FAT2: variants seen among roughly 807,000 people sequenced by gnomAD.
FAT2 encodes FAT atypical cadherin 2.
Under a neutral mutation model 295.3 loss-of-function variants are expected in FAT2, and 150 were observed. The ratio of observed to expected loss-of-function variants is 0.51; its 90% CI spans 0.44 to 0.58. The LOEUF (loss-of-function observed/expected upper bound fraction) is 0.58, where lower values mean the gene tolerates loss of function less well. Among genes scored for constraint, FAT2 ranks in the 20% least tolerant of loss-of-function variants. The pLI is 0.00. For synonymous variants in FAT2, 2,026 were observed against 2,150.3 expected (o/e 0.94, Z 1.60); for missense variants, 4,868 against 5,442.7 (o/e 0.89, Z 3.32).
At chr5:151,526,079 G>A (rs1435480008) in intron 17 of FAT2, 114 bp from the exon 18 acceptor site, 1 of 995,048 alleles carries the variant, frequency 1.0e-6, no homozygotes, top group East Asian at 2.6e-5. Context: ...ACTGCTTGTA[G>A]ATGGTGCCTG....
At chr5:151,527,100 G>A in intron 17 of FAT2, 134 bp downstream of exon 17, 2 of 860,590 alleles carry the variant, frequency 2.3e-6, no homozygotes. Context: ...CCAGCAGTCT[G>A]TGTTGCCTTT....
chr5:151,544,156 A>G lies in FAT2; in HGVS notation c.6971T>C (p.Ile2324Thr). 1 of 1,614,168 alleles carries G rather than the reference A, an allele frequency of 6.2e-7. No homozygotes were observed. The highest frequency in any genetic ancestry group is 8.5e-7 in the Non-Finnish European group (1 of 1,180,020). The change falls in exon 10 of 24, where the codon ATC becomes ACC. Residue 2324 changes from isoleucine (I) to threonine (T), a missense_variant. This residue lies in a region of FAT2 where 3,297 missense variants were observed against 3,669.4 expected (regional missense o/e 0.90). Coordinates refer to ENST00000261800, the MANE Select transcript of FAT2 (RefSeq NM_001447.3). ...DGSDVSKFFQ[I>T]NGSTGEMSTV... ...GGACATCTCCCCTGTGCTCCCATTG[A>G]TCTGGAAGAACTTGGAAACATCTGA...
rs759324636 is a variant in FAT2, at chr5:151,542,293, T to C, written c.8834A>G (p.Tyr2945Cys). 63 of 1,595,860 alleles carry C rather than the reference T, an allele frequency of 3.9e-5. No individual in the cohort carries two copies. Among genetic ancestry groups the C allele is most frequent in the Non-Finnish European group, 4.3e-6 (5 of 1,171,076 alleles). The change falls in exon 10 of 24, where the codon TAC becomes TGC. Residue 2945 changes from tyrosine to cysteine, a missense_variant. Around this residue, in one of 5 missense-constraint regions of FAT2, gnomAD observed 3,297 missense variants for 3,669.4 expected, o/e 0.90. Coordinates refer to ENST00000261800, the MANE Select transcript of FAT2 (RefSeq NM_001447.3). The stretch of plus-strand genomic sequence containing the variant: ...ATGACAGGTGTTCTTACCTGTGATG[T>C]AGCAGGTGACCTGCCTGTTCTGCTC... Reference protein sequence around the residue: ...ISEQNRQVTCYITEGDPLGQF... With the variant: ...ISEQNRQVTCCITEGDPLGQF...
At chr5:151,549,698 C>T (rs1240612828) in intron 8 of FAT2, among the ~76,000 whole-genome samples, 193 bp from the exon 9 acceptor site, 1 of 152,084 alleles carries the variant, frequency 6.6e-6, no homozygotes, top group Admixed American at 6.6e-5. Context: ...GTCAATGATT[C>T]CTAGGCTCAG....
intron 22 of FAT2, 131 bp downstream of exon 22, chr5:151,509,890 G>T: frequency 9.3e-7 from 1 of 1,073,776 alleles, no homozygotes; most frequent in Non-Finnish European, 1.4e-6. Context: ...TGCCCTAACA[G>T]ATGGAAAAGG....
At chr5:151,540,870 G>C (rs1756060649) in intron 10 of FAT2, 107 bp from the exon 11 acceptor site, 4 of 1,042,410 alleles carry the variant, frequency 3.8e-6, no homozygotes, top group Admixed American at 5.3e-5. Context: ...TGTTGGGAAA[G>C]CAAACATTTC....
intron 12 of FAT2, 121 bp from the exon 13 acceptor site, chr5:151,534,763 GGTCAATACA>G: frequency 2.7e-6 from 2 of 738,160 alleles, no homozygotes; most frequent in South Asian, 3.7e-5. Flanking sequence ...AGCAAGGAGG[GGTCAATACA>G]GTCAGGAAAG....
chr5:151,573,233 A>C (rs10079712), intron 1 of FAT2, among the ~76,000 whole-genome samples: 13 of 152,162 alleles, frequency 8.5e-5, no homozygotes, highest in Non-Finnish European at 1.0e-4. Context: ...AGGTCGTTTC[A>C]AGAATGAAAG....
Position 151,525,913 on chromosome 5 carries a change from T to C in FAT2, c.10361A>G (p.Asp3454Gly), listed in dbSNP as rs764011044. 7.4e-6 allele frequency: 12 copies of C among 1,614,054 alleles called. No homozygotes were observed. The change falls in exon 18 of 24, where the codon GAT (aspartate) becomes GGT (glycine). Residue 3454 changes from aspartate to glycine, a missense_variant. By Grantham distance (94) the Asp-to-Gly change is moderately conservative (BLOSUM62 -1). Coordinates refer to ENST00000261800, the MANE Select transcript of FAT2 (RefSeq NM_001447.3). The stretch of plus-strand genomic sequence containing the variant: ...GTAGGGGGGGCCATTCTCTGGAGAA[T>C]CTGGGTCACTCAGGATCAGCTGCAG... The part of the protein sequence containing the change: ...KVLQLILSDP[D>G]SPENGPPYSF...
chr5:151,544,016 C>G lies in FAT2; in HGVS notation c.7111G>C (p.Asp2371His). Reference sequence around the variant, plus strand: ...AACTCTGGGGGGTTGTCATTGATATCAGACACATTGACAACCACAAGGGTT... The same window carrying G: ...AACTCTGGGGGGTTGTCATTGATATGAGACACATTGACAACCACAAGGGTT... Reference protein sequence around the residue: ...GETLVVVNVSDINDNPPEFRQ... With the variant: ...GETLVVVNVSHINDNPPEFRQ... The change falls in exon 10 of 24, where the codon GAT becomes CAT. Residue 2371 changes from aspartate (D) to histidine (H), a missense_variant. Coordinates refer to ENST00000261800, the MANE Select transcript of FAT2 (RefSeq NM_001447.3). 6.2e-7 allele frequency: 1 copy of G among 1,614,184 alleles called. No individual in the cohort carries two copies. Among genetic ancestry groups the G allele is most frequent in the Non-Finnish European group, 8.5e-7 (1 of 1,180,028 alleles).
chr5:151,505,371 T>C lies in FAT2; in HGVS notation c.*194A>G, dbSNP rs939481278. On this transcript the variant is annotated 3_prime_UTR_variant, in exon 24 of 24. Transcript: ENST00000261800. Reference sequence around the variant, plus strand: ...GGGACCCTAGTGCTGTTTCTGGAGCTCTATCCTCAGCTTCCCTCCACCCTC... The same window carrying C: ...GGGACCCTAGTGCTGTTTCTGGAGCCCTATCCTCAGCTTCCCTCCACCCTC... The C allele has an allele frequency of 4.5e-6, 3 of 660,472 alleles. No homozygotes were observed. The South Asian group carries it at 6.0e-5, about 13-fold the overall frequency. 40.9% of individuals were successfully genotyped at this position (660,472 alleles called of 1,614,324 possible). A position where few individuals can be genotyped will look rare whatever the true frequency, so the allele number is the denominator to read the frequency against.
At chr5:151,564,281 T>C (rs1183935182) in intron 2 of FAT2, among the ~76,000 whole-genome samples, 1 of 152,198 alleles carries the variant, frequency 6.6e-6, no homozygotes, top group African/African-American at 2.4e-5. Flanking sequence ...GCGTGGCCCA[T>C]GCTCACAGCC....
In FAT2 at chr5:151,589,732, C is replaced by A. The variant is rs116216456; in HGVS notation, c.-21+1433G>T. Among the ~76,000 whole-genome samples the A allele has an allele frequency of 2.0e-3, 306 of 151,026 alleles. 1 individual carries two copies. The highest frequency in any genetic ancestry group is 7.2e-3 in the African/African-American group (293 of 40,968). On this transcript the variant is annotated intron_variant, in intron 1 of 23. Coordinates refer to ENST00000261800, the MANE Select transcript of FAT2 (RefSeq NM_001447.3). ...GCAACATAGTGAGACCCCATCTCTA[C>A]AAAAAAACATTTTTTTTAATTAGCC...
intron 19 of FAT2, among the ~76,000 whole-genome samples, chr5:151,518,285 G>A (rs1287409150): frequency 1.3e-5 from 2 of 151,580 alleles, no homozygotes; most frequent in Non-Finnish European, 2.9e-5. Flanking sequence ...GGAAGTCAAG[G>A]CTGCAGTGAA....
chr5:151,578,575 T>TA (rs1014797919), intron 1 of FAT2, among the ~76,000 whole-genome samples: 1 of 151,466 alleles, frequency 6.6e-6, no homozygotes, highest in African/African-American at 2.4e-5. Flanking sequence ...CCCCAAAAAA[T>TA]AAAAAAAAGA....
Position 151,521,911 on chromosome 5 carries a change from T to C in FAT2, c.10682A>G (p.Gln3561Arg). ...TGCCAGGCTATAGGTCAGCGTGTCC[T>C]GGGGGTCTCGGTCTGTGGCATGGAT... Reference protein sequence around the residue: ...GKIHATDRDPQDTLTYSLAEE... With the variant: ...GKIHATDRDPRDTLTYSLAEE... The change falls in exon 19 of 24, where the codon CAG (glutamine) becomes CGG (arginine). Residue 3561 changes from glutamine to arginine, a missense_variant. Transcript: ENST00000261800. 1 of 1,613,830 alleles carries C rather than the reference T, an allele frequency of 6.2e-7. No individual in the cohort carries two copies. The highest frequency in any genetic ancestry group is 8.5e-7 in the Non-Finnish European group (1 of 1,179,766).
In FAT2 at chr5:151,521,279, T is replaced by C; in HGVS notation, c.11314A>G (p.Asn3772Asp). 1 of 1,604,948 alleles carries C rather than the reference T, an allele frequency of 6.2e-7. No individual in the cohort carries two copies. Among genetic ancestry groups the C allele is most frequent in the Non-Finnish European group, 8.5e-7 (1 of 1,173,924 alleles). ...RHHLQRSCSC[N>D]GTATRFSGQS... is the part of the protein sequence containing the mutation. ...CTAGGGAAGATGTAGTACTTACCAT[T>C]GCAGGAGCAGCTCCTCTGCAGGTGG... The change falls in exon 19 of 24, where the codon AAT (asparagine) becomes GAT (aspartate). Residue 3772 changes from asparagine (N) to aspartate (D), a missense_variant. Physicochemically the swap from Asn to Asp is conservative, Grantham distance 23. Transcript: ENST00000261800.
intron 20 of FAT2, among the ~76,000 whole-genome samples, chr5:151,515,344 C>G (rs1204518887): frequency 6.6e-6 from 1 of 152,232 alleles, no homozygotes. Context: ...TTGGCCTACT[C>G]TCTCTTCAAT....
chr5:151,527,868 G>A, intron 16 of FAT2, 128 bp downstream of exon 16: 3 of 1,265,314 alleles, frequency 2.4e-6, no homozygotes, highest in Non-Finnish European at 2.2e-6. Flanking sequence ...AAACAAGTGA[G>A]AGACATTCTG....
Sources: gnomAD v4.1 joint callset for allele counts (sites outside exome capture counted in the v4.1 genomes callset) on GRCh38, gnomAD v4.1.1 for gene constraint, gnomAD v4.1.1 regional missense constraint, MANE v1.5 for transcripts, NCBI Gene and HGNC (gene_info 2026-07-23, HGNC 2026-07-21) for gene names.